HMG20A: variants seen among roughly 807,000 people sequenced by gnomAD.
HMG20A encodes the protein high mobility group protein 20A.
In HMG20A, 17 loss-of-function variants were observed where a neutral mutation model predicts 43.9. The ratio of observed to expected loss-of-function variants is 0.39; its 90% confidence interval spans 0.27 to 0.58. The LOEUF (loss-of-function observed/expected upper bound fraction) is 0.58, where lower values mean the gene tolerates loss of function less well. Ranked by LOEUF, HMG20A falls within the 20% of genes least tolerant of loss-of-function variation. HMG20A has a pLI of 0.59. For missense variants in HMG20A, 341 were observed against 438.2 expected (o/e 0.78, Z 1.98); for synonymous variants, 132 against 147.5 (o/e 0.89, Z 0.76).
chr15:77,474,151 A>T lies in HMG20A; in HGVS notation c.615+2337A>T, dbSNP rs1375158580. ...GCAGAAGGAGCCCATGGAAAGGAGT[A>T]ATTGAATCAGGACTTAAAAATGACC... On this transcript the variant is annotated intron_variant, in intron 6 of 9. Coordinates refer to ENST00000336216, the MANE Select transcript of HMG20A (RefSeq NM_001304504.2). Among the ~76,000 whole-genome samples, 2 of 152,214 alleles carry T rather than the reference A, an allele frequency of 1.3e-5. 1 individual carries two copies. Among genetic ancestry groups the T allele is most frequent in the East Asian group, 3.8e-4 (2 of 5,204 alleles).
intron 2 of HMG20A, 94 bp from the exon 3 acceptor site, chr15:77,464,146 A>G: frequency 7.7e-7 from 1 of 1,305,994 alleles, no homozygotes. Flanking sequence ...TAATTCAAGG[A>G]CTGGCATGTG....
rs759854655 is a variant in HMG20A, at chr15:77,471,501, G to C, written c.584-282G>C. 6.4e-4 allele frequency among the ~76,000 whole-genome samples: 98 copies of C among 152,134 alleles called. 2 individuals carry two copies. Among genetic ancestry groups the C allele is most frequent in the Non-Finnish European group, 4.3e-4 (29 of 68,032 alleles). On this transcript the variant is annotated intron_variant, in intron 5 of 9. Transcript: ENST00000336216. ...TGCTAAAATTATAGATGTTGTATAAGTAGTCTTTGGTTTGTGTCTTCTGTC... is the reference window on the plus strand; with the variant it reads ...TGCTAAAATTATAGATGTTGTATAACTAGTCTTTGGTTTGTGTCTTCTGTC...
chr15:77,498,583 G>A, the HMG20A span, among the ~76,000 whole-genome samples: 1 of 152,162 alleles, frequency 6.6e-6, no homozygotes, highest in Non-Finnish European at 1.5e-5. Context: ...CATGCCGTGG[G>A]AGATGGGAAC....
At chr15:77,496,960 C>T in the HMG20A span, among the ~76,000 whole-genome samples, 9 of 152,290 alleles carry the variant, frequency 5.9e-5, no homozygotes, top group Admixed American at 1.3e-4. Flanking sequence ...TGCGGGAGGA[C>T]GGCCCGGGAC....
intron 2 of HMG20A, among the ~76,000 whole-genome samples, chr15:77,462,621 A>ACC (rs1182958924): frequency 3.3e-5 from 5 of 150,840 alleles, no homozygotes; most frequent in East Asian, 3.9e-4. Flanking sequence ...ACACACACAC[A>ACC]CCCTGTTTTT....
At chr15:77,515,158 C>A in the HMG20A span, among the ~76,000 whole-genome samples, 1 of 152,102 alleles carries the variant, frequency 6.6e-6, no homozygotes, top group East Asian at 1.9e-4. Context: ...AGACAATGGG[C>A]TTGAATGCCT....
intron 1 of HMG20A, among the ~76,000 whole-genome samples, chr15:77,426,970 A>G (rs2073433960): frequency 6.6e-6 from 1 of 152,210 alleles, no homozygotes; most frequent in South Asian, 2.1e-4. Context: ...GTATTAACAA[A>G]GGAGAAAAAC....
the HMG20A span, among the ~76,000 whole-genome samples, chr15:77,493,131 G>A: frequency 6.6e-6 from 1 of 152,218 alleles, no homozygotes; most frequent in African/African-American, 2.4e-5. Context: ...ATGGAGCCTA[G>A]TATCTAGTGG....
rs562305218 is a variant in HMG20A, at chr15:77,438,179, A to G, written c.-5+17175A>G. Among the ~76,000 whole-genome samples the G allele has an allele frequency of 2.8e-3, 328 of 119,036 alleles. 2 individuals carry two copies. The highest frequency in any genetic ancestry group is 1.0e-2 in the African/African-American group (304 of 30,502). 78.1% of individuals were successfully genotyped at this position (119,036 alleles called of 152,430 possible). On this transcript the variant is annotated intron_variant, in intron 1 of 9. Coordinates refer to ENST00000336216, the MANE Select transcript of HMG20A (RefSeq NM_001304504.2). ...TTTTTTTTAGAGACAGGATCTGGCT[A>G]TGTTGCCCAGGCTGGTCTCAAACTC... is the stretch of plus-strand genomic sequence containing the variant.
chr15:77,488,995 C>T (rs961738365), downstream of HMG20A, among the ~76,000 whole-genome samples: 15 of 152,186 alleles, frequency 9.9e-5, no homozygotes, highest in African/African-American at 2.2e-4. Context: ...TTTCCTCTTA[C>T]GTGACCTTAG....
chr15:77,455,392 T>C (rs150437619), intron 1 of HMG20A, among the ~76,000 whole-genome samples: 1,683 of 151,464 alleles, frequency 0.011, 44 homozygotes, highest in African/African-American at 0.039. Flanking sequence ...ATAATCATCA[T>C]TAAAATATTT....
chr15:77,455,860 C>A (rs1049746309), intron 1 of HMG20A, among the ~76,000 whole-genome samples: 1 of 152,176 alleles, frequency 6.6e-6, no homozygotes, highest in Non-Finnish European at 1.5e-5. Flanking sequence ...GAAATGCATT[C>A]TCCCAGGATC....
chr15:77,465,450 C>T (rs1487576660), intron 3 of HMG20A, among the ~76,000 whole-genome samples: 6 of 145,322 alleles, frequency 4.1e-5, no homozygotes, highest in South Asian at 2.1e-4. Context: ...GGCTGGAGTG[C>T]GGTGGCACAA....
At chr15:77,422,745 C>T (rs1479899988) in intron 1 of HMG20A, among the ~76,000 whole-genome samples, 1 of 152,028 alleles carries the variant, frequency 6.6e-6, no homozygotes, top group Non-Finnish European at 1.5e-5. Context: ...GAATCTAAGA[C>T]CCTAAAATCA....
chr15:77,467,362 A>G, intron 4 of HMG20A, 55 bp downstream of exon 4: 1 of 1,446,164 alleles, frequency 6.9e-7, no homozygotes, highest in Non-Finnish European at 9.6e-7. Context: ...CTCAGAAATA[A>G]CTTATATAAG....
At chr15:77,425,677 A>G (rs2073419438) in intron 1 of HMG20A, among the ~76,000 whole-genome samples, 1 of 152,214 alleles carries the variant, frequency 6.6e-6, no homozygotes, top group African/African-American at 2.4e-5. Flanking sequence ...AGCTTAATAT[A>G]GAATTGTTTG....
intron 8 of HMG20A, 113 bp from the exon 9 acceptor site, chr15:77,479,066 T>C: frequency 1.0e-6 from 1 of 985,654 alleles, no homozygotes; most frequent in Admixed American, 2.2e-5. Context: ...CCTCTAAAAT[T>C]AAAAGCATGT....
At chr15:77,487,423 C>G (rs2072951192), downstream of HMG20A, among the ~76,000 whole-genome samples, 1 of 152,200 alleles carries the variant, frequency 6.6e-6, no homozygotes, top group Non-Finnish European at 1.5e-5. Context: ...GCCTTTGTCT[C>G]TTGGCCATTT....
At chr15:77,497,770 C>T in the HMG20A span, among the ~76,000 whole-genome samples, 2 of 151,202 alleles carry the variant, frequency 1.3e-5, no homozygotes, top group African/African-American at 2.4e-5. Context: ...GTGAACTATA[C>T]TTGGACAGCC....
Sources: allele counts gnomAD v4.1 joint callset (sites outside exome capture counted in the v4.1 genomes callset), GRCh38; gene constraint gnomAD v4.1.1; transcripts MANE v1.5; gene names NCBI Gene and HGNC (gene_info 2026-07-23, HGNC 2026-07-21).